MALRD1: variants seen among roughly 807,000 people sequenced by gnomAD.
The protein encoded by MALRD1 is MAM and LDL receptor class A domain containing 1.
In MALRD1, 247 loss-of-function variants were observed where a neutral mutation model predicts 242.1. That is an observed-to-expected ratio of 1.02 (90% CI 0.92 to 1.13). The LOEUF (loss-of-function observed/expected upper bound fraction) is 1.13, where lower values mean the gene tolerates loss of function less well. MALRD1 is among the 50% of genes most tolerant of loss of function. The probability of loss-of-function intolerance (pLI) is 0.00; values close to 1 mark genes in which losing one functional copy is unlikely to be tolerated. For missense variants in MALRD1, 2,989 were observed against 2,533.1 expected (o/e 1.18, Z -3.86); for synonymous variants, 995 against 866.6 (o/e 1.15, Z -2.60).
chr10:19,691,867 T>A (rs1842835149), intron 36 of MALRD1, among the ~76,000 whole-genome samples: 1 of 152,154 alleles, frequency 6.6e-6, no homozygotes, highest in South Asian at 2.1e-4. Flanking sequence ...TTTATGGTAA[T>A]GTAAAATTTG....
chr10:19,137,302 T>A (rs1833380382), intron 10 of MALRD1, among the ~76,000 whole-genome samples: 1 of 151,780 alleles, frequency 6.6e-6, no homozygotes, highest in Non-Finnish European at 1.5e-5. Flanking sequence ...CTCCTCTTAC[T>A]TGCCTAGAAA....
At chr10:19,432,149 A>T (rs1834158561) in intron 28 of MALRD1, among the ~76,000 whole-genome samples, 1 of 152,186 alleles carries the variant, frequency 6.6e-6, no homozygotes, top group South Asian at 2.1e-4. Context: ...AGGACCTGGC[A>T]TGAGTCATTC....
At chr10:19,422,657 TGTAAA>T (rs1444101445) in intron 28 of MALRD1, among the ~76,000 whole-genome samples, 5 of 152,316 alleles carry the variant, frequency 3.3e-5, no homozygotes, top group South Asian at 4.1e-4. Flanking sequence ...GCTGGAACTA[TGTAAA>T]GTAATTACTA....
At chr10:19,686,937 C>G (rs72782176) in intron 36 of MALRD1, among the ~76,000 whole-genome samples, 5,041 of 151,946 alleles carry the variant, frequency 0.033, 116 homozygotes, top group Middle Eastern at 0.068. Flanking sequence ...ATGTAGAGCC[C>G]CATAAAAGCT....
intron 26 of MALRD1, among the ~76,000 whole-genome samples, chr10:19,385,078 A>G (rs748538391): frequency 6.6e-6 from 1 of 151,914 alleles, no homozygotes; most frequent in African/African-American, 2.4e-5. Flanking sequence ...TAATTTGCTG[A>G]TGTTAAACTA....
At chr10:19,063,149 C>A (rs199846521) in intron 1 of MALRD1, among the ~76,000 whole-genome samples, 149 of 151,498 alleles carry the variant, frequency 9.8e-4, no homozygotes, top group African/African-American at 3.4e-3. Flanking sequence ...CTGTCCCCCC[C>A]CCAAAAAAAA....
intron 30 of MALRD1, among the ~76,000 whole-genome samples, chr10:19,496,177 A>G (rs1344896067): frequency 6.6e-6 from 1 of 152,192 alleles, no homozygotes; most frequent in Non-Finnish European, 1.5e-5. Flanking sequence ...CAGAAAATTA[A>G]CAAAGATATT....
chr10:19,193,655 T>G (rs1836094123), intron 14 of MALRD1, among the ~76,000 whole-genome samples: 1 of 152,192 alleles, frequency 6.6e-6, no homozygotes, highest in African/African-American at 2.4e-5. Context: ...ATGAGTAGCG[T>G]TAATATAAAT....
chr10:19,507,921 A>G (rs954046323), intron 31 of MALRD1, among the ~76,000 whole-genome samples: 1 of 152,114 alleles, frequency 6.6e-6, no homozygotes, highest in Non-Finnish European at 1.5e-5. Context: ...TTTGAAGCCC[A>G]TTTTTTTGAG....
Position 19,066,838 on chromosome 10 carries a change from G to T in MALRD1, c.319G>T (p.Asp107Tyr), listed in dbSNP as rs912934709. 1 of 1,233,494 alleles carries T rather than the reference G, an allele frequency of 8.1e-7. No homozygotes were observed. The highest frequency in any genetic ancestry group is 1.6e-5 in the African/African-American group (1 of 64,458). 76.4% of individuals were successfully genotyped at this position (1,233,494 alleles called of 1,614,324 possible). Residue 107 changes from aspartate (D) to tyrosine (Y), a missense_variant, in exon 2 of 40, where the codon GAT (aspartate) becomes TAT (tyrosine). Asp to Tyr is a radical substitution (Grantham distance 160). Coordinates refer to ENST00000454679, the MANE Select transcript of MALRD1 (RefSeq NM_001142308.3). ...GATTGGTCTATCACCTCCATTTTAT[G>T]ATCACAATGGTGATGTGTCTGGTAA... ...GMIGLSPPFY[D>Y]HNGDVSAHFL...
chr10:19,387,839 C>A (rs1846152212), intron 27 of MALRD1, 66 bp downstream of exon 27: 1 of 1,493,590 alleles, frequency 6.7e-7, no homozygotes, highest in Non-Finnish European at 9.0e-7. Flanking sequence ...AATGTCTTTT[C>A]TGATAGCAAC....
At chr10:19,362,435 A>G (rs1268870751) in intron 26 of MALRD1, among the ~76,000 whole-genome samples, 3 of 152,162 alleles carry the variant, frequency 2.0e-5, no homozygotes, top group Non-Finnish European at 4.4e-5. Flanking sequence ...AGATAAGCAA[A>G]GACAAAAAGT....
chr10:19,628,373 C>T (rs530840789), intron 36 of MALRD1, among the ~76,000 whole-genome samples: 2 of 152,194 alleles, frequency 1.3e-5, no homozygotes, highest in South Asian at 4.1e-4. Context: ...CAGCATTTTG[C>T]AATAGCACCA....
At chr10:19,494,267 A>T (rs1241366564) in intron 30 of MALRD1, among the ~76,000 whole-genome samples, 1 of 147,916 alleles carries the variant, frequency 6.8e-6, no homozygotes, top group African/African-American at 2.5e-5. Context: ...ACATGCAGAA[A>T]ATAATTCTAA....
At chr10:19,349,209 C>T (rs1013907031) in intron 25 of MALRD1, among the ~76,000 whole-genome samples, 3 of 152,174 alleles carry the variant, frequency 2.0e-5, no homozygotes, top group Middle Eastern at 3.2e-3. Context: ...GATCTGCCCA[C>T]CTTGACCTCC....
chr10:19,296,340 TA>T (rs1289842070), intron 21 of MALRD1, among the ~76,000 whole-genome samples: 1 of 152,100 alleles, frequency 6.6e-6, no homozygotes, highest in Admixed American at 6.6e-5. Flanking sequence ...TTATTAATAT[TA>T]TTTTTTTGGC....
chr10:19,325,773 C>T (rs1053054658), intron 22 of MALRD1, among the ~76,000 whole-genome samples: 3 of 152,020 alleles, frequency 2.0e-5, no homozygotes, highest in African/African-American at 4.8e-5. Context: ...ATTAGCTTGC[C>T]AAGAAATCTC....
At chr10:19,437,332 T>C (rs1834389295) in intron 28 of MALRD1, among the ~76,000 whole-genome samples, 1 of 152,084 alleles carries the variant, frequency 6.6e-6, no homozygotes, top group Non-Finnish European at 1.5e-5. Context: ...ATTTAATGTT[T>C]CAGTTGCGAG....
chr10:19,258,620 G>T (rs552809157), intron 19 of MALRD1, among the ~76,000 whole-genome samples: 1 of 152,290 alleles, frequency 6.6e-6, no homozygotes, highest in African/African-American at 2.4e-5. Context: ...AGAGTCAGGT[G>T]ATGGGGCTGA....
Sources: allele counts gnomAD v4.1 joint callset (sites outside exome capture counted in the v4.1 genomes callset), GRCh38; gene constraint gnomAD v4.1.1; transcripts MANE v1.5; gene names NCBI Gene and HGNC (gene_info 2026-07-23, HGNC 2026-07-21).